NLGN1: variants seen among roughly 807,000 people sequenced by gnomAD.
NLGN1 encodes the protein neuroligin 1.
In NLGN1, 12 loss-of-function variants were observed where a neutral mutation model predicts 65.5. That is an observed-to-expected ratio of 0.18 (90% CI 0.12 to 0.30). The LOEUF is 0.30. Ranked by LOEUF, NLGN1 falls within the 10% of genes least tolerant of loss-of-function variation. NLGN1 has a pLI of 1.00. For synonymous variants in NLGN1, 350 were observed against 359.5 expected, an observed-to-expected ratio of 0.97 and a Z score of 0.30; for missense variants, 750 against 1,007.1, an observed-to-expected ratio of 0.74 and a Z score of 3.46.
Position 174,281,323 on chromosome 3 carries a change from T to A in NLGN1, c.*20T>A, listed in dbSNP as rs762688406. On this transcript the variant is annotated 3_prime_UTR_variant, in exon 7 of 7. Coordinates refer to ENST00000457714, the Ensembl canonical transcript of NLGN1. ...GTATAGCCAGATAAGAGAAACAAACTATTTTTTTTGATGGATTGCAGTAAA... is the reference window on the plus strand; with the variant it reads ...GTATAGCCAGATAAGAGAAACAAACAATTTTTTTTGATGGATTGCAGTAAA... The A allele has an allele frequency of 5.2e-6, 8 of 1,527,724 alleles. No homozygotes were observed. The African/African-American group carries it at 9.6e-5, about 18-fold the overall frequency. 94.6% of individuals were successfully genotyped at this position (1,527,724 alleles called of 1,614,324 possible).
chr3:173,696,796 T>C (rs2149851162), intron 3 of NLGN1, among the ~76,000 whole-genome samples: 1 of 152,312 alleles, frequency 6.6e-6, no homozygotes, highest in African/African-American at 2.4e-5. Flanking sequence ...CAAGAAAGTG[T>C]AAATTTCTAT....
intron 4 of NLGN1, among the ~76,000 whole-genome samples, chr3:173,934,120 T>G (rs1160235120): frequency 6.6e-6 from 1 of 151,476 alleles, no homozygotes; most frequent in Admixed American, 6.6e-5. Flanking sequence ...TAACTACATG[T>G]AAATGAACTT....
At chr3:173,909,594 G>T (rs1256349332) in intron 4 of NLGN1, among the ~76,000 whole-genome samples, 2 of 152,112 alleles carry the variant, frequency 1.3e-5, no homozygotes, top group Admixed American at 1.3e-4. Flanking sequence ...ACCTTTCAGT[G>T]GTTACATTTA....
chr3:173,466,289 C>T (rs573393381), intron 2 of NLGN1, among the ~76,000 whole-genome samples: 3 of 152,176 alleles, frequency 2.0e-5, no homozygotes, highest in Non-Finnish European at 4.4e-5. Flanking sequence ...GCTAATTAAG[C>T]ACTATTAGAA....
intron 4 of NLGN1, among the ~76,000 whole-genome samples, chr3:174,076,716 AG>A (rs1741031802): frequency 7.7e-6 from 1 of 130,318 alleles, no homozygotes; most frequent in Non-Finnish European, 1.6e-5. Context: ...AGAGAGAGAG[AG>A]AGAGAGAGTG....
chr3:173,978,439 ATAAAAT>A (rs1718012436), intron 4 of NLGN1, among the ~76,000 whole-genome samples: 1 of 152,114 alleles, frequency 6.6e-6, no homozygotes, highest in South Asian at 2.1e-4. Flanking sequence ...GAGTACGTAG[ATAAAAT>A]TAAAGAAACT....
chr3:174,264,502 C>T (rs1223818763), intron 4 of NLGN1, among the ~76,000 whole-genome samples: 4 of 150,698 alleles, frequency 2.7e-5, no homozygotes, highest in Non-Finnish European at 5.9e-5. Flanking sequence ...GCATTCTTCA[C>T]GTAGTTCTCA....
At chr3:174,012,550 A>G (rs1169260944) in intron 4 of NLGN1, among the ~76,000 whole-genome samples, 2 of 152,170 alleles carry the variant, frequency 1.3e-5, no homozygotes, top group African/African-American at 2.4e-5. Flanking sequence ...TACCCAGTCC[A>G]CATCCTCTTT....
At chr3:173,451,733 GT>G (rs1267849761) in intron 2 of NLGN1, among the ~76,000 whole-genome samples, 1 of 152,204 alleles carries the variant, frequency 6.6e-6, no homozygotes, top group Non-Finnish European at 1.5e-5. Context: ...TGGCCACTCT[GT>G]TTACCTACTC....
intron 2 of NLGN1, among the ~76,000 whole-genome samples, chr3:173,527,527 AGCTGGGACTACAGGC>A (rs1424675989): frequency 2.6e-5 from 4 of 152,066 alleles, no homozygotes; most frequent in Non-Finnish European, 4.4e-5. Flanking sequence ...CCTCCCAAGT[AGCTGGGACTACAGGC>A]GCCCGCCACC....
intron 3 of NLGN1, among the ~76,000 whole-genome samples, chr3:173,675,343 G>T (rs1459669719): frequency 6.6e-6 from 1 of 151,864 alleles, no homozygotes; most frequent in Non-Finnish European, 1.5e-5. Flanking sequence ...TCATTTCATT[G>T]CGCATATATC....
chr3:173,965,163 G>C (rs148460814), intron 4 of NLGN1, among the ~76,000 whole-genome samples: 1 of 151,950 alleles, frequency 6.6e-6, no homozygotes, highest in East Asian at 1.9e-4. Flanking sequence ...ATAATGCAGA[G>C]TTAAAGATCT....
chr3:173,730,944 G>A (rs1050447284), intron 3 of NLGN1, among the ~76,000 whole-genome samples: 4 of 152,074 alleles, frequency 2.6e-5, no homozygotes, highest in East Asian at 3.9e-4. Context: ...GAAAGCAAAC[G>A]TATCAATCTG....
intron 3 of NLGN1, among the ~76,000 whole-genome samples, chr3:173,658,532 A>G (rs374708702): frequency 6.6e-6 from 1 of 152,068 alleles, no homozygotes; most frequent in African/African-American, 2.4e-5. Flanking sequence ...ATTTGGAAAT[A>G]GCATAGAACT....
chr3:173,683,055 T>C (rs1232515241), intron 3 of NLGN1, among the ~76,000 whole-genome samples: 2 of 152,210 alleles, frequency 1.3e-5, no homozygotes. Flanking sequence ...ACATTCTGTA[T>C]ACAGCGTGCA....
At chr3:174,026,878 C>T (rs558936890) in intron 4 of NLGN1, among the ~76,000 whole-genome samples, 8 of 152,152 alleles carry the variant, frequency 5.3e-5, no homozygotes, top group Middle Eastern at 3.4e-3. Flanking sequence ...TTTTATATTG[C>T]ATACTGCTTT....
At chr3:173,815,518 A>G (rs1057153675) in intron 4 of NLGN1, among the ~76,000 whole-genome samples, 2 of 152,108 alleles carry the variant, frequency 1.3e-5, no homozygotes, top group Non-Finnish European at 1.5e-5. Context: ...ACTTCCTAGC[A>G]CAGGACACAG....
At chr3:173,618,831 G>A (rs1196014584) in intron 3 of NLGN1, among the ~76,000 whole-genome samples, 1 of 152,038 alleles carries the variant, frequency 6.6e-6, no homozygotes, top group Non-Finnish European at 1.5e-5. Context: ...GAGAGATAAA[G>A]CTGGCAGTGA....
intron 1 of NLGN1, among the ~76,000 whole-genome samples, chr3:173,417,375 G>A (rs1471435180): frequency 1.3e-5 from 2 of 151,722 alleles, no homozygotes; most frequent in Admixed American, 6.6e-5. Context: ...TTTTTAAAAT[G>A]TCTTGGTATG....
Sources: gnomAD v4.1 joint callset for allele counts (sites outside exome capture counted in the v4.1 genomes callset) on GRCh38, gnomAD v4.1.1 for gene constraint, MANE v1.5 for transcripts, NCBI Gene and HGNC (gene_info 2026-07-23, HGNC 2026-07-21) for gene names.